The following MDGA2 variants were observed in gnomAD, a reference collection of about 807,000 sequenced individuals.
The protein encoded by MDGA2 is MAM domain-containing glycosylphosphatidylinositol anchor protein 2.
A neutral mutation model predicts 117.8 loss-of-function variants in MDGA2; 40 were observed. The ratio of observed to expected loss-of-function variants is 0.34; its 90% CI spans 0.26 to 0.44. The LOEUF is 0.44. MDGA2 is among the 20% of genes least tolerant of loss of function. The pLI, the probability that MDGA2 is intolerant of heterozygous loss-of-function variation, is 1.00. For synonymous variants in MDGA2, 452 were observed against 439.0 expected, an observed-to-expected ratio of 1.03 and a Z score of -0.37; for missense variants, 1,123 against 1,250.6, an observed-to-expected ratio of 0.90 and a Z score of 1.54.
chr14:47,467,457 C>G (rs1204502113), intron 1 of MDGA2, among the ~76,000 whole-genome samples: 3 of 152,100 alleles, frequency 2.0e-5, no homozygotes, highest in African/African-American at 7.2e-5. Flanking sequence ...GAGACTGTCA[C>G]CTTTCACCCT....
intron 8 of MDGA2, among the ~76,000 whole-genome samples, chr14:47,012,831 G>A (rs182212762): frequency 1.6e-4 from 24 of 152,046 alleles, no homozygotes; most frequent in South Asian, 1.5e-3. Flanking sequence ...AGCAAGCCAC[G>A]AATTTTTTTG....
At chr14:47,461,186 C>T (rs1893475544) in intron 1 of MDGA2, among the ~76,000 whole-genome samples, 1 of 151,738 alleles carries the variant, frequency 6.6e-6, no homozygotes. Flanking sequence ...ATCAGAATAA[C>T]CCTAGAGTTT....
intron 1 of MDGA2, among the ~76,000 whole-genome samples, chr14:47,346,817 A>G (rs959119992): frequency 2.1e-4 from 32 of 152,368 alleles, no homozygotes; most frequent in African/African-American, 7.2e-4. Context: ...TGCAAAGCAT[A>G]TAATCCATGA....
chr14:47,393,544 A>C (rs1342676650), intron 1 of MDGA2, among the ~76,000 whole-genome samples: 2 of 152,156 alleles, frequency 1.3e-5, no homozygotes, highest in Non-Finnish European at 1.5e-5. Flanking sequence ...AATCAGCAGA[A>C]GCTAATTTCC....
At position 47,106,647 on chromosome 14, in the gene MDGA2, A is replaced by G. The variant is rs544253426; in HGVS notation, c.926-9524T>C. Among the ~76,000 whole-genome samples, 1,091 of 151,408 alleles carry G rather than the reference A, an allele frequency of 7.2e-3. 9 individuals carry two copies. Among genetic ancestry groups the G allele is most frequent in the East Asian group, 0.015 (79 of 5,150 alleles). Reference sequence around the variant, plus strand: ...CCTTCCCAGATCTTCTCGGCTTAGCAGCTGAAGACTGACACTGCCCGATCG... The same window carrying G: ...CCTTCCCAGATCTTCTCGGCTTAGCGGCTGAAGACTGACACTGCCCGATCG... On this transcript the variant is annotated intron_variant, in intron 5 of 16. Coordinates refer to ENST00000399232, the MANE Select transcript of MDGA2 (RefSeq NM_001113498.3).
chr14:47,091,126 T>C (rs761490833), intron 6 of MDGA2, among the ~76,000 whole-genome samples: 5 of 152,328 alleles, frequency 3.3e-5, no homozygotes, highest in African/African-American at 7.2e-5. Context: ...TGATTGAGTA[T>C]GGACATGGAA....
chr14:47,503,935 T>G lies in MDGA2; in HGVS notation c.280+170582A>C, dbSNP rs549397163. ...TGAATGCTTAGTCCTAGCTTCCCTC[T>G]CTAAGTAAGGGTTCTCATCTTTTAT... On this transcript the variant is annotated intron_variant, in intron 1 of 16. Coordinates refer to ENST00000399232, the MANE Select transcript of MDGA2 (RefSeq NM_001113498.3). 1.1e-4 allele frequency among the ~76,000 whole-genome samples: 16 copies of G among 152,278 alleles called. No homozygotes were observed. In the East Asian group the frequency reaches 1.6e-3, roughly 15 times the overall value.
At chr14:46,933,475 A>G (rs1884657416) in intron 9 of MDGA2, among the ~76,000 whole-genome samples, 1 of 151,810 alleles carries the variant, frequency 6.6e-6, no homozygotes, top group Non-Finnish European at 1.5e-5. Flanking sequence ...ATTAGTCTAT[A>G]TAATATACCT....
intron 1 of MDGA2, among the ~76,000 whole-genome samples, chr14:47,473,594 C>T (rs1320960709): frequency 6.6e-6 from 1 of 151,610 alleles, no homozygotes; most frequent in Non-Finnish European, 1.5e-5. Context: ...AAGACGGGGA[C>T]TGCAAAATAA....
At chr14:47,670,622 A>G (rs1047953078) in intron 1 of MDGA2, among the ~76,000 whole-genome samples, 1 of 152,198 alleles carries the variant, frequency 6.6e-6, no homozygotes, top group Non-Finnish European at 1.5e-5. Context: ...ATAAGCATAC[A>G]GATAGCTAGG....
At chr14:47,067,259 T>C (rs1427255884) in intron 6 of MDGA2, among the ~76,000 whole-genome samples, 1 of 152,166 alleles carries the variant, frequency 6.6e-6, no homozygotes, top group Admixed American at 6.5e-5. Flanking sequence ...GAGAGGCTGA[T>C]TGCATCTACC....
At chr14:47,650,435 G>C (rs1897618252) in intron 1 of MDGA2, among the ~76,000 whole-genome samples, 2 of 152,204 alleles carry the variant, frequency 1.3e-5, no homozygotes, top group East Asian at 3.9e-4. Flanking sequence ...AGAAGCCACT[G>C]CCTGTGTGGA....
In MDGA2 at chr14:47,342,893, G is replaced by T. The variant is rs556132452; in HGVS notation, c.281-41343C>A. The T allele has an allele frequency of 4.6e-5, 19 of 415,560 alleles. No individual in the cohort carries two copies. In the East Asian group the frequency reaches 1.3e-3, roughly 29 times the overall value. 25.7% of individuals were successfully genotyped at this position (415,560 alleles called of 1,614,324 possible). A position where few individuals can be genotyped will look rare whatever the true frequency, so the allele number is the denominator to read the frequency against. On this transcript the variant is annotated intron_variant, in intron 1 of 16. Coordinates refer to ENST00000399232, the MANE Select transcript of MDGA2 (RefSeq NM_001113498.3). Reference sequence around the variant, plus strand: ...GCTAGGTTCCGTGTGGGGGAAAAAAGAGGAAAGGAACTCATTTCATACTTG... The same window carrying T: ...GCTAGGTTCCGTGTGGGGGAAAAAATAGGAAAGGAACTCATTTCATACTTG...
At chr14:47,344,381 C>A (rs1890717005) in intron 1 of MDGA2, among the ~76,000 whole-genome samples, 2 of 152,178 alleles carry the variant, frequency 1.3e-5, no homozygotes, top group Admixed American at 1.3e-4. Flanking sequence ...TTTTGCCAGG[C>A]AAACCAGAGC....
Position 46,993,538 on chromosome 14 carries a change from T to C in MDGA2, c.1820-35895A>G, listed in dbSNP as rs943581904. ...GTGCAGTGGTGTAATCTCAGTTCAC[T>C]ACAACCTATGCCTCCCGAGTTCAAG... On this transcript the variant is annotated intron_variant, in intron 8 of 16. Transcript: ENST00000399232. Among the ~76,000 whole-genome samples, 13 of 151,910 alleles carry C rather than the reference T, an allele frequency of 8.6e-5. No homozygotes were observed. The South Asian group carries it at 2.7e-3, about 32-fold the overall frequency.
intron 1 of MDGA2, among the ~76,000 whole-genome samples, chr14:47,331,484 CAT>C (rs1214382091): frequency 2.0e-5 from 3 of 151,982 alleles, no homozygotes; most frequent in Admixed American, 6.6e-5. Flanking sequence ...AGCTTATACA[CAT>C]AGACATCTGA....
At chr14:46,864,543 C>CTTTTTTTTTT (rs1566496919) in intron 14 of MDGA2, among the ~76,000 whole-genome samples, 1 of 17,192 alleles carries the variant, frequency 5.8e-5, no homozygotes, top group South Asian at 1.6e-3. Context: ...GCAGATATTG[C>CTTTTTTTTTT]TGTTTTTTTT....
chr14:47,201,156 C>T lies in MDGA2; in HGVS notation c.595+16865G>A, dbSNP rs144125298. On this transcript the variant is annotated intron_variant, in intron 3 of 16. Coordinates refer to ENST00000399232, the MANE Select transcript of MDGA2 (RefSeq NM_001113498.3). The stretch of plus-strand genomic sequence containing the variant: ...TTTTCTATTTTTATTGCATTAGCTG[C>T]TAGTTTACCTGCTCCATCAACTTCT... The T allele has an allele frequency of 1.8e-3, 1,251 of 677,908 alleles. 11 individuals carry two copies. In the African/African-American group the frequency reaches 0.02, roughly 11 times the overall value. The allele number at this position is 677,908 out of a possible 1,614,324, so 42.0% of individuals were successfully genotyped here.
intron 10 of MDGA2, among the ~76,000 whole-genome samples, chr14:46,897,707 C>T (rs185766621): frequency 1.6e-4 from 21 of 134,724 alleles, no homozygotes; most frequent in Admixed American, 6.3e-4. Flanking sequence ...TCTATTCCTA[C>T]TACCATTATG....
Sources: allele counts gnomAD v4.1 joint callset (sites outside exome capture counted in the v4.1 genomes callset), GRCh38; gene constraint gnomAD v4.1.1; transcripts MANE v1.5; gene names NCBI Gene and HGNC (gene_info 2026-07-23, HGNC 2026-07-21).